EPB41L2: variants seen among roughly 807,000 people sequenced by gnomAD.
EPB41L2 encodes the protein band 4.1-like protein 2.
EPB41L2 carries 43 observed loss-of-function variants against 113.0 expected under a neutral mutation model. The observed-to-expected ratio is 0.38, with a 90% CI of 0.30 to 0.49. EPB41L2 has a LOEUF of 0.49. EPB41L2 is among the 20% of genes least tolerant of loss of function. The pLI is 0.95. For missense variants in EPB41L2, 1,147 were observed against 1,223.4 expected (o/e 0.94, Z 0.93); for synonymous variants, 442 against 436.7 (o/e 1.01, Z -0.15).
At chr6:131,036,893 A>G (rs957854905) in intron 1 of EPB41L2, among the ~76,000 whole-genome samples, 1 of 152,206 alleles carries the variant, frequency 6.6e-6, no homozygotes, top group African/African-American at 2.4e-5. Flanking sequence ...TTATGCACAG[A>G]CTGAAACAAG....
In EPB41L2 at chr6:130,912,351, G is replaced by A. The variant is rs191972990; in HGVS notation, c.811-3488C>T. ...GCTGTCTTAATACCATATTAAAATG[G>A]TATAACGGAACATTAACTGACACTA... On this transcript the variant is annotated intron_variant, in intron 4 of 19. Transcript: ENST00000337057. 8.5e-3 allele frequency among the ~76,000 whole-genome samples: 1,297 copies of A among 152,230 alleles called. 10 individuals are homozygous for A. Among genetic ancestry groups the A allele is most frequent in the South Asian group, 0.02 (98 of 4,828 alleles).
rs143032918 is a variant in EPB41L2, at chr6:130,955,142, G to A, written c.668C>T (p.Thr223Ile). The A allele has an allele frequency of 3.5e-5, 56 of 1,614,156 alleles. No individual in the cohort carries two copies. In the African/African-American group the frequency reaches 4.9e-4, roughly 14 times the overall value. The part of the protein sequence containing the change: ...KKTKTVQCKV[T>I]LLDGTEYSCD... ...GCTGTATTCGGTGCCATCTAAGAGG[G>A]TCACTTTACACTGGACAGTTTTGGT... The change falls in exon 3 of 20, where the codon ACC becomes ATC. Residue 223 changes from threonine to isoleucine, a missense_variant. Coordinates refer to ENST00000337057, the MANE Select transcript of EPB41L2 (RefSeq NM_001431.4).
chr6:131,021,814 C>T (rs756487632), intron 1 of EPB41L2, among the ~76,000 whole-genome samples: 2 of 152,174 alleles, frequency 1.3e-5, no homozygotes, highest in South Asian at 4.1e-4. Context: ...AACTAAGGCA[C>T]CTAGTTGGTA....
Position 130,922,032 on chromosome 6 carries a change from C to T in EPB41L2, c.810+4573G>A, listed in dbSNP as rs557134438. Among the ~76,000 whole-genome samples, 40 of 152,264 alleles carry T rather than the reference C, an allele frequency of 2.6e-4. 1 individual carries two copies. In the South Asian group the frequency reaches 8.3e-3, roughly 32 times the overall value. On this transcript the variant is annotated intron_variant, in intron 4 of 19. Transcript: ENST00000337057. ...CTGGAAAGGAAGGAATCATGGCATA[C>T]CCAATGAATGTGCATTTCTATGTGT...
intron 10 of EPB41L2, among the ~76,000 whole-genome samples, chr6:130,890,963 T>C (rs890316566): frequency 2.6e-5 from 4 of 152,212 alleles, no homozygotes; most frequent in Admixed American, 6.5e-5. Flanking sequence ...TAACACCCCT[T>C]CTTGCCAGCA....
chr6:130,902,675 C>T (rs1796628922), intron 6 of EPB41L2, among the ~76,000 whole-genome samples: 1 of 152,170 alleles, frequency 6.6e-6, no homozygotes, highest in Admixed American at 6.5e-5. Flanking sequence ...TGTTTCTCCA[C>T]ATTTTATGGA....
In EPB41L2 at chr6:130,869,614, C is replaced by T. The variant is rs775136400; in HGVS notation, c.2556G>A (p.Glu852=). 1.2e-5 allele frequency: 19 copies of T among 1,614,038 alleles called. No homozygotes were observed. The highest frequency in any genetic ancestry group is 1.6e-5 in the Non-Finnish European group (19 of 1,180,048). The part of the protein sequence containing the change: ...AEEEPQKVNG[E]VSHVDIDVLP... Reference sequence around the variant, plus strand: ...AAACATCAATGTCAACATGGGACACCTCTCCGTTAACTTTCTGTGGCTCTT... The same window carrying T: ...AAACATCAATGTCAACATGGGACACTTCTCCGTTAACTTTCTGTGGCTCTT... The change falls in exon 15 of 20, where the codon GAG becomes GAA. Residue 852 remains glutamate, a synonymous_variant. Transcript: ENST00000337057.
intron 1 of EPB41L2, among the ~76,000 whole-genome samples, chr6:131,008,641 G>A (rs746500163): frequency 2.6e-5 from 4 of 152,228 alleles, no homozygotes; most frequent in South Asian, 2.1e-4. Flanking sequence ...GAAAGCAGCC[G>A]GGAGTGGGGC....
intron 6 of EPB41L2, among the ~76,000 whole-genome samples, chr6:130,901,832 G>A (rs993885915): frequency 1.3e-5 from 2 of 152,200 alleles, no homozygotes; most frequent in Non-Finnish European, 2.9e-5. Flanking sequence ...ACCTCCCTTT[G>A]AAGATGAGCA....
Position 130,840,354 on chromosome 6 carries a change from A to G in EPB41L2, c.*250T>C, listed in dbSNP as rs191452113. The G allele has an allele frequency of 6.6e-6, 1 of 152,524 alleles. No individual in the cohort carries two copies. The highest frequency in any genetic ancestry group is 2.4e-5 in the African/African-American group (1 of 41,562). The allele number at this position is 152,524 out of a possible 1,614,324, so 9.4% of individuals were successfully genotyped here. ...AAACCCCTTAATTAACAACAACAAA[A>G]AGAAAGAACTGAGAATATTTAGAAG... On this transcript the variant is annotated 3_prime_UTR_variant, in exon 20 of 20. Transcript: ENST00000337057.
At position 130,956,378 on chromosome 6, in the gene EPB41L2, A is replaced by T; in HGVS notation, c.108T>A (p.Asn36Lys). The T allele has an allele frequency of 6.2e-7, 1 of 1,614,050 alleles. No individual in the cohort carries two copies. Among genetic ancestry groups the T allele is most frequent in the Non-Finnish European group, 8.5e-7 (1 of 1,180,008 alleles). The change falls in exon 2 of 20, where the codon AAT (asparagine) becomes AAA (lysine). Residue 36 changes from asparagine to lysine, a missense_variant. Coordinates refer to ENST00000337057, the MANE Select transcript of EPB41L2 (RefSeq NM_001431.4). Reference sequence around the variant, plus strand: ...TTTCCTCCTCTGGATCGGAAGACTGATTCTGCTGATTTTCTGCTACTTCTT... The same window carrying T: ...TTTCCTCCTCTGGATCGGAAGACTGTTTCTGCTGATTTTCTGCTACTTCTT... ...KPKEVAENQQ[N>K]QSSDPEEEKG...
intron 1 of EPB41L2, among the ~76,000 whole-genome samples, chr6:131,007,616 T>C (rs577771672): frequency 1.1e-3 from 172 of 152,278 alleles, no homozygotes; most frequent in African/African-American, 4.0e-3. Flanking sequence ...TTGAATGGCT[T>C]AGACCAAAAT....
rs189822005 is a variant in EPB41L2, at chr6:130,870,184, G to A, written c.2044-58C>T. On this transcript the variant is annotated intron_variant, in intron 14 of 19. Coordinates refer to ENST00000337057, the MANE Select transcript of EPB41L2 (RefSeq NM_001431.4). ...AAATATATGAATAAATAAAAACAAC[G>A]GAAACCCAAATTAACCGATGGCAGA... is the stretch of plus-strand genomic sequence containing the variant. 1.3e-3 allele frequency: 1,978 copies of A among 1,556,258 alleles called. 59 individuals are homozygous for A. In the Admixed American group the frequency reaches 0.036, roughly 28 times the overall value.
intron 15 of EPB41L2, 107 bp from the exon 16 acceptor site, chr6:130,867,688 A>T (rs756245582): frequency 1.4e-6 from 2 of 1,397,000 alleles, no homozygotes; most frequent in Non-Finnish European, 2.0e-6. Context: ...ACACACACTC[A>T]TGCACAAAAG....
At chr6:130,913,694 G>A (rs924862794) in intron 4 of EPB41L2, among the ~76,000 whole-genome samples, 1 of 151,758 alleles carries the variant, frequency 6.6e-6, no homozygotes, top group Admixed American at 6.6e-5. Flanking sequence ...GTGGGGTATA[G>A]CATCATAAAT....
chr6:130,919,253 A>T (rs891770134), intron 4 of EPB41L2, among the ~76,000 whole-genome samples: 1 of 152,076 alleles, frequency 6.6e-6, no homozygotes. Flanking sequence ...TATAATAAGG[A>T]ATTATGAATT....
At chr6:130,922,079 C>T (rs933691922) in intron 4 of EPB41L2, among the ~76,000 whole-genome samples, 7 of 152,272 alleles carry the variant, frequency 4.6e-5, no homozygotes, top group South Asian at 4.1e-4. Flanking sequence ...CGCACACGCA[C>T]GCACGTGTGT....
In EPB41L2 at chr6:130,869,613, C is replaced by T. The variant is rs771561555; in HGVS notation, c.2557G>A (p.Val853Met). 1 of 1,614,166 alleles carries T rather than the reference C, an allele frequency of 6.2e-7. No homozygotes were observed. Among genetic ancestry groups the T allele is most frequent in the Admixed American group, 1.7e-5 (1 of 60,028 alleles). The change falls in exon 15 of 20, where the codon GTG (valine) becomes ATG (methionine). Residue 853 changes from valine to methionine, a missense_variant. Val to Met is a conservative substitution (Grantham distance 21). Coordinates refer to ENST00000337057, the MANE Select transcript of EPB41L2 (RefSeq NM_001431.4). ...AAAACATCAATGTCAACATGGGACA[C>T]CTCTCCGTTAACTTTCTGTGGCTCT... ...EEEPQKVNGE[V>M]SHVDIDVLPQ...
At chr6:131,026,233 A>G (rs1222063249) in intron 1 of EPB41L2, among the ~76,000 whole-genome samples, 1 of 152,210 alleles carries the variant, frequency 6.6e-6, no homozygotes, top group Non-Finnish European at 1.5e-5. Flanking sequence ...AACAGATACA[A>G]GAAATAACAA....
Sources: gnomAD v4.1 joint callset for allele counts (sites outside exome capture counted in the v4.1 genomes callset) on GRCh38, gnomAD v4.1.1 for gene constraint, MANE v1.5 for transcripts, NCBI Gene and HGNC (gene_info 2026-07-23, HGNC 2026-07-21) for gene names.